The following URB1 variants were observed in gnomAD, a reference collection of about 807,000 sequenced individuals.
The protein encoded by URB1 is nucleolar pre-ribosomal-associated protein 1.
In URB1, 197 loss-of-function variants were observed where a neutral mutation model predicts 242.3. The observed-to-expected ratio is 0.81, with a 90% CI of 0.72 to 0.91. The LOEUF (loss-of-function observed/expected upper bound fraction) is 0.91. Among genes scored for constraint, URB1 ranks in the 40% least tolerant of loss-of-function variants. The pLI is 0.00. For missense variants in URB1, 2,721 were observed against 2,860.5 expected (o/e 0.95, Z 1.11); for synonymous variants, 1,153 against 1,201.8 (o/e 0.96, Z 0.84).
rs267606102 is a variant in URB1, at chr21:32,347,486, G to A, written c.3338C>T (p.Pro1113Leu). 2.6e-6 allele frequency: 4 copies of A among 1,551,134 alleles called. No individual in the cohort carries two copies. Among genetic ancestry groups the A allele is most frequent in the Non-Finnish European group, 2.6e-6 (3 of 1,146,792 alleles). ...ACGGAGCTGGGCACCCTCCATGTAT[G>A]GATGCAGCTCCTGCAGGGCCTCCAG... ...PQLEALQELH[P>L]YMEGAQLREV... Residue 1113 changes from proline (P) to leucine (L), a missense_variant, in exon 22 of 39, where the codon CCA becomes CTA. Coordinates refer to ENST00000382751, the MANE Select transcript of URB1 (RefSeq NM_014825.3).
At chr21:32,368,917 C>A (rs949376034) in intron 8 of URB1, among the ~76,000 whole-genome samples, 1 of 152,186 alleles carries the variant, frequency 6.6e-6, no homozygotes, top group Non-Finnish European at 1.5e-5. Flanking sequence ...CTCGCTCTAC[C>A]TCAGCCACCT....
At position 32,363,062 on chromosome 21, in the gene URB1, G is replaced by A. The variant is rs2033306848; in HGVS notation, c.1509+94C>T. On this transcript the variant is annotated intron_variant, in intron 11 of 38. Coordinates refer to ENST00000382751, the MANE Select transcript of URB1 (RefSeq NM_014825.3). Reference sequence around the variant, plus strand: ...GCCTGTCCAACCCTGCGGCTCCAAGGACACATCACTTGGCTTCCACCCTAG... The same window carrying A: ...GCCTGTCCAACCCTGCGGCTCCAAGAACACATCACTTGGCTTCCACCCTAG... 1.9e-5 allele frequency: 28 copies of A among 1,444,160 alleles called. No homozygotes were observed. In the Middle Eastern group the frequency reaches 9.9e-4, roughly 51 times the overall value. The allele number at this position is 1,444,160 out of a possible 1,614,324, so 89.5% of individuals were successfully genotyped here.
chr21:32,392,008 A>C (rs9979288), intron 1 of URB1, among the ~76,000 whole-genome samples: 23,287 of 151,956 alleles, frequency 0.15, 2,361 homozygotes, highest in African/African-American at 0.3. Context: ...TGGGCAACAG[A>C]GCAAGACCCT....
At chr21:32,385,391 G>A (rs2033572701) in intron 2 of URB1, among the ~76,000 whole-genome samples, 154 bp downstream of exon 2, 1 of 152,096 alleles carries the variant, frequency 6.6e-6, no homozygotes, top group African/African-American at 2.4e-5. Context: ...AGGTCATGGA[G>A]GCAAAAAATG....
chr21:32,330,793 T>C (rs765832302), intron 30 of URB1, among the ~76,000 whole-genome samples: 1 of 152,218 alleles, frequency 6.6e-6, no homozygotes, highest in African/African-American at 2.4e-5. Flanking sequence ...AATTAAGATA[T>C]CCATTTGCTA....
At chr21:32,337,066 C>A in intron 28 of URB1, 28 bp downstream of exon 28, 1 of 1,547,750 alleles carries the variant, frequency 6.5e-7, no homozygotes, top group Non-Finnish European at 8.7e-7. Context: ...GACCTCAAGG[C>A]CTAGTCTACC....
intron 29 of URB1, 113 bp downstream of exon 29, chr21:32,334,050 G>T: frequency 7.6e-7 from 1 of 1,307,890 alleles, no homozygotes; most frequent in Non-Finnish European, 1.0e-6. Context: ...TATATGATAA[G>T]ATTCTTACTT....
intron 30 of URB1, 175 bp downstream of exon 30, chr21:32,333,142 G>C: frequency 1.6e-6 from 1 of 619,656 alleles, no homozygotes; most frequent in East Asian, 2.9e-5. Context: ...AATACTAACT[G>C]TGACTTTGCT....
In URB1 at chr21:32,349,414, A is replaced by G; in HGVS notation, c.2902T>C (p.Cys968Arg). 6.4e-7 allele frequency: 1 copy of G among 1,551,462 alleles called. No individual in the cohort carries two copies. Among genetic ancestry groups the G allele is most frequent in the Non-Finnish European group, 8.7e-7 (1 of 1,146,950 alleles). ...LDLLRRLVVH[C>R]EQLDAQNQQR... ...TGGTTCTGGGCATCCAGCTGCTCAC[A>G]GTGGACAACCAGGCGCCTGAGGAGA... The change falls in exon 21 of 39, where the codon TGT becomes CGT. Residue 968 changes from cysteine (C) to arginine (R), a missense_variant. Physicochemically the swap from Cys to Arg is radical, Grantham distance 180. Coordinates refer to ENST00000382751, the MANE Select transcript of URB1 (RefSeq NM_014825.3).
chr21:32,342,253 C>T (rs1360346003), intron 24 of URB1, among the ~76,000 whole-genome samples: 3 of 152,124 alleles, frequency 2.0e-5, no homozygotes, highest in East Asian at 3.9e-4. Flanking sequence ...CACCTTTACC[C>T]AGCCTCCAGG....
intron 19 of URB1, among the ~76,000 whole-genome samples, chr21:32,351,416 C>T (rs2123585029): frequency 6.6e-6 from 1 of 152,330 alleles, no homozygotes; most frequent in Middle Eastern, 3.4e-3. Context: ...TGAAGTTATT[C>T]ATTTCTTCTA....
intron 21 of URB1, among the ~76,000 whole-genome samples, chr21:32,348,681 G>A (rs1377055296): frequency 6.6e-6 from 1 of 152,148 alleles, no homozygotes; most frequent in South Asian, 2.1e-4. Flanking sequence ...GTTAAAAACA[G>A]CAAAGCACGA....
chr21:32,325,795 C>T (rs968608382), intron 30 of URB1, among the ~76,000 whole-genome samples: 9 of 152,116 alleles, frequency 5.9e-5, no homozygotes, highest in Admixed American at 2.6e-4. Context: ...CCACCGCGGG[C>T]GCCTGTCTAT....
chr21:32,391,080 A>G (rs550960397), intron 1 of URB1, among the ~76,000 whole-genome samples: 14 of 152,314 alleles, frequency 9.2e-5, no homozygotes, highest in Non-Finnish European at 1.9e-4. Flanking sequence ...ACATGGATGA[A>G]GCTGGAAACC....
chr21:32,320,487 T>C, intron 35 of URB1, 44 bp downstream of exon 35: 2 of 1,410,390 alleles, frequency 1.4e-6, no homozygotes, highest in African/African-American at 1.4e-5. Context: ...TTCTGTTCCT[T>C]TCCTTCCCAC....
chr21:32,388,603 GGT>G (rs1249010485), intron 1 of URB1, among the ~76,000 whole-genome samples: 2 of 152,206 alleles, frequency 1.3e-5, no homozygotes, highest in Non-Finnish European at 2.9e-5. Flanking sequence ...GCAGGCCATG[GGT>G]GTTCTGACCA....
In URB1 at chr21:32,314,309, C is replaced by T. The variant is rs572959859; in HGVS notation, c.*609G>A. 12 of 417,412 alleles carry T rather than the reference C, an allele frequency of 2.9e-5. No individual in the cohort carries two copies. The highest frequency in any genetic ancestry group is 4.2e-5 in the South Asian group (2 of 47,968). 25.9% of individuals were successfully genotyped at this position (417,412 alleles called of 1,614,324 possible). On this transcript the variant is annotated 3_prime_UTR_variant, in exon 39 of 39. Transcript: ENST00000382751. ...AAGCGATTCCCCTGCCTTAGCCTCC[C>T]GAGTAGCTGGAATTACAGGTGTGCG... is the stretch of plus-strand genomic sequence containing the variant.
chr21:32,335,659 A>AC (rs1327459263), intron 28 of URB1: 2 of 152,498 alleles, frequency 1.3e-5, no homozygotes, highest in Non-Finnish European at 2.9e-5. Flanking sequence ...CTCGCTGTTC[A>AC]CCCCAGTTTC....
rs182497549 is a variant in URB1 at position 32,374,706 on chromosome 21, T to C, written c.750+692A>G. Among the ~76,000 whole-genome samples, 288 of 152,340 alleles carry C rather than the reference T, an allele frequency of 1.9e-3. 2 individuals carry two copies. The highest frequency in any genetic ancestry group is 6.4e-3 in the African/African-American group (267 of 41,570). On this transcript the variant is annotated intron_variant, in intron 6 of 38. Transcript: ENST00000382751. The stretch of plus-strand genomic sequence containing the variant: ...ATTGTTATGGGGGCCATCCTGGGCA[T>C]TACAGGATGTTCGGCAGCATCCCTG...
Sources: allele counts gnomAD v4.1 joint callset (sites outside exome capture counted in the v4.1 genomes callset), GRCh38; gene constraint gnomAD v4.1.1; transcripts MANE v1.5; gene names NCBI Gene and HGNC (gene_info 2026-07-23, HGNC 2026-07-21).